ARHGAP22: variants seen among roughly 807,000 people sequenced by gnomAD.
ARHGAP22 encodes the protein rho GTPase-activating protein 22.
ARHGAP22 carries 48 observed loss-of-function variants against 59.1 expected under a neutral mutation model. That is an observed-to-expected ratio of 0.81 (90% CI 0.64 to 1.03). The LOEUF (loss-of-function observed/expected upper bound fraction) is 1.03, where lower values mean the gene tolerates loss of function less well. Among genes scored for constraint, ARHGAP22 ranks in the 50% least tolerant of loss-of-function variants. ARHGAP22 has a pLI of 0.00. For synonymous variants in ARHGAP22, 445 were observed against 416.4 expected, an observed-to-expected ratio of 1.07 and a Z score of -0.84; for missense variants, 1,015 against 958.7, an observed-to-expected ratio of 1.06 and a Z score of -0.78.
chr10:48,630,317 C>T (rs943873086), intron 1 of ARHGAP22, among the ~76,000 whole-genome samples: 3 of 152,172 alleles, frequency 2.0e-5, no homozygotes, highest in African/African-American at 7.2e-5. Flanking sequence ...TTCTCGATCT[C>T]TTGACTTGGT....
At chr10:48,440,924 G>A in the ARHGAP22 span, among the ~76,000 whole-genome samples, 2 of 152,202 alleles carry the variant, frequency 1.3e-5, no homozygotes, top group Non-Finnish European at 2.9e-5. Flanking sequence ...AGGTGAAGTC[G>A]CCAAGCTTAG....
At chr10:48,582,539 G>T (rs1048539278) in intron 2 of ARHGAP22, among the ~76,000 whole-genome samples, 6 of 152,208 alleles carry the variant, frequency 3.9e-5, no homozygotes, top group Non-Finnish European at 7.3e-5. Flanking sequence ...TATGCAGGAT[G>T]GGTGCAAGGG....
At chr10:48,492,179 T>C (rs960848301) in intron 3 of ARHGAP22, among the ~76,000 whole-genome samples, 3 of 152,270 alleles carry the variant, frequency 2.0e-5, no homozygotes, top group Non-Finnish European at 4.4e-5. Flanking sequence ...TATTCCATTA[T>C]GTTCAGGTGA....
At chr10:48,517,360 T>A (rs1589882882) in intron 3 of ARHGAP22, among the ~76,000 whole-genome samples, 1 of 152,146 alleles carries the variant, frequency 6.6e-6, no homozygotes, top group East Asian at 1.9e-4. Flanking sequence ...CATAGCTGGC[T>A]GGGGGTGGGC....
At chr10:48,551,719 A>T (rs1298994938) in intron 3 of ARHGAP22, among the ~76,000 whole-genome samples, 1 of 152,212 alleles carries the variant, frequency 6.6e-6, no homozygotes, top group Non-Finnish European at 1.5e-5. Flanking sequence ...CTGGCACTAA[A>T]GCCCCCTTAT....
intron 2 of ARHGAP22, among the ~76,000 whole-genome samples, chr10:48,557,019 G>A (rs1359234494): frequency 1.3e-5 from 2 of 152,192 alleles, no homozygotes; most frequent in African/African-American, 2.4e-5. Context: ...TTTAAGCAAC[G>A]TTAATGTGGA....
At chr10:48,517,527 C>A (rs141161703) in intron 3 of ARHGAP22, among the ~76,000 whole-genome samples, 1 of 152,314 alleles carries the variant, frequency 6.6e-6, no homozygotes, top group Non-Finnish European at 1.5e-5. Flanking sequence ...CTCTTCCCTT[C>A]GGGAGTTCAG....
intron 3 of ARHGAP22, among the ~76,000 whole-genome samples, chr10:48,480,417 C>A (rs531050757): frequency 1.7e-4 from 26 of 152,340 alleles, no homozygotes; most frequent in African/African-American, 6.3e-4. Context: ...GCAAATTGAT[C>A]TTTGGGAAAT....
chr10:48,435,449 A>T, the ARHGAP22 span: 1 of 152,894 alleles, frequency 6.5e-6, no homozygotes, highest in Non-Finnish European at 1.5e-5. Context: ...TTTATTTCAG[A>T]TGTTTTGTTC....
At chr10:48,543,367 C>T (rs1415382853) in intron 3 of ARHGAP22, among the ~76,000 whole-genome samples, 1 of 152,142 alleles carries the variant, frequency 6.6e-6, no homozygotes, top group Admixed American at 6.5e-5. Flanking sequence ...CTCTCTGCAT[C>T]CCAGATTCAC....
chr10:48,433,176 C>A, the ARHGAP22 span, among the ~76,000 whole-genome samples: 3 of 152,222 alleles, frequency 2.0e-5, no homozygotes, highest in Admixed American at 2.0e-4. Flanking sequence ...TACTGTATTG[C>A]TTTAAAGAGA....
intron 4 of ARHGAP22, among the ~76,000 whole-genome samples, chr10:48,462,314 T>C (rs1589510323): frequency 6.6e-6 from 1 of 151,084 alleles, no homozygotes; most frequent in East Asian, 2.0e-4. Flanking sequence ...TGGTGCCAGG[T>C]GCTGTTCTGA....
intron 3 of ARHGAP22, among the ~76,000 whole-genome samples, chr10:48,532,187 C>G (rs978399021): frequency 6.6e-6 from 1 of 152,158 alleles, no homozygotes; most frequent in Non-Finnish European, 1.5e-5. Context: ...TGCGAGCTCT[C>G]AAGATCACAC....
chr10:48,503,405 C>T (rs1662759435), intron 3 of ARHGAP22, among the ~76,000 whole-genome samples: 2 of 152,212 alleles, frequency 1.3e-5, no homozygotes, highest in South Asian at 4.1e-4. Context: ...CCAGTGTCAA[C>T]CTGTCCAGTG....
intron 1 of ARHGAP22, among the ~76,000 whole-genome samples, chr10:48,618,976 A>G (rs1207641612): frequency 6.6e-6 from 1 of 152,130 alleles, no homozygotes; most frequent in Non-Finnish European, 1.5e-5. Context: ...AAAAACTCTT[A>G]GAACTAATAA....
intron 3 of ARHGAP22, among the ~76,000 whole-genome samples, chr10:48,505,780 C>T (rs2052053900): frequency 6.6e-6 from 1 of 152,166 alleles, no homozygotes; most frequent in South Asian, 2.1e-4. Flanking sequence ...TGGAGGCATG[C>T]TGGAGATGTA....
At chr10:48,590,173 C>G (rs3844200) in intron 1 of ARHGAP22, among the ~76,000 whole-genome samples, 99,905 of 151,436 alleles carry the variant, frequency 0.66, 33,359 homozygotes, top group East Asian at 0.99. Context: ...CTAGAGAACT[C>G]TTTCAGGAAT....
At chr10:48,438,335 CTA>C in the ARHGAP22 span, 1 of 152,164 alleles carries the variant, frequency 6.6e-6, no homozygotes, top group Non-Finnish European at 1.5e-5. Flanking sequence ...TCAAAGGAAA[CTA>C]ATTTTTCCTT....
rs4080665 is a variant in ARHGAP22 at position 48,479,757 on chromosome 10, G to A, written c.330C>T (p.Ala110=). The A allele has an allele frequency of 0.84, 1,337,998 of 1,586,634 alleles. 568,303 individuals are homozygous for A. The highest frequency in any genetic ancestry group is 0.93 in the East Asian group (41,338 of 44,214). Residue 110 remains alanine (A), a synonymous_variant, in exon 4 of 10, where the codon GCC becomes GCT. Coordinates refer to ENST00000249601, the MANE Select transcript of ARHGAP22 (RefSeq NM_021226.4). ...TGGCCGGCACCTTCTCCCGCTCCCCGGCACCACCTGCAAGACAGGGAGACA... is the reference window on the plus strand; with the variant it reads ...TGGCCGGCACCTTCTCCCGCTCCCCAGCACCACCTGCAAGACAGGGAGACA... ...KHLFEISPGG[A]GEREKVPANP...
Sources: gnomAD v4.1 joint callset for allele counts (sites outside exome capture counted in the v4.1 genomes callset) on GRCh38, gnomAD v4.1.1 for gene constraint, MANE v1.5 for transcripts, NCBI Gene and HGNC (gene_info 2026-07-23, HGNC 2026-07-21) for gene names.